MLLT6: variants seen among roughly 807,000 people sequenced by gnomAD.
MLLT6 encodes the protein protein AF-17.
In MLLT6, 22 loss-of-function variants were observed where a neutral mutation model predicts 103.0. The observed-to-expected ratio is 0.21, with a 90% CI of 0.15 to 0.31. The LOEUF (loss-of-function observed/expected upper bound fraction) is 0.31. MLLT6 is among the 10% of genes least tolerant of loss of function. The pLI is 1.00. For missense variants in MLLT6, 1,199 were observed against 1,441.7 expected (o/e 0.83, Z 2.73); for synonymous variants, 606 against 623.5 (o/e 0.97, Z 0.42).
chr17:38,708,381 C>T (rs1176350781), intron 4 of MLLT6: 1 of 154,640 alleles, frequency 6.5e-6, no homozygotes, highest in Non-Finnish European at 1.4e-5. Context: ...AGGAAGGAGA[C>T]ATTTAGGCTG....
Position 38,715,645 on chromosome 17 carries a change from G to A in MLLT6, c.853G>A (p.Glu285Lys), listed in dbSNP as rs765526008. 19 of 1,613,532 alleles carry A rather than the reference G, an allele frequency of 1.2e-5. No individual in the cohort carries two copies. Among genetic ancestry groups the A allele is most frequent in the East Asian group, 6.7e-5 (3 of 44,884 alleles). ...SSSASSSSHH[E>K]ASTQETSESS... ...CTCGGCTTCCTCTTCCTCCCACCAC[G>A]AGGCCAGCACGCAGGAGACCTCTGA... Residue 285 changes from glutamate to lysine, a missense_variant, in exon 9 of 20, where the codon GAG (glutamate) becomes AAG (lysine). Around this residue, in one of 7 missense-constraint regions of MLLT6, gnomAD observed 1,034 missense variants for 1,091.5 expected, o/e 0.95. Transcript: ENST00000621332.
At chr17:38,718,902 T>G (rs558454332) in intron 12 of MLLT6, 2 of 153,582 alleles carry the variant, frequency 1.3e-5, no homozygotes, top group African/African-American at 4.8e-5. Flanking sequence ...ACAAATATGA[T>G]TCCACGTTTA....
rs181396780 is a variant in MLLT6, at chr17:38,729,502, C to G, written c.*3904C>G. The G allele has an allele frequency of 4.3e-6, 1 of 233,494 alleles. No homozygotes were observed. The highest frequency in any genetic ancestry group is 8.5e-6 in the Non-Finnish European group (1 of 118,014). 14.5% of individuals were successfully genotyped at this position (233,494 alleles called of 1,614,324 possible). ...GGTGGTGGGACTGGAGACCTCACCC[C>G]TGCTCCCGTCCCGCCCCCTTTCTAT... is the stretch of plus-strand genomic sequence containing the variant. On this transcript the variant is annotated 3_prime_UTR_variant, in exon 20 of 20. Transcript: ENST00000621332.
chr17:38,724,953 A>G lies in MLLT6; in HGVS notation c.3217A>G (p.Ser1073Gly). 1 of 1,542,774 alleles carries G rather than the reference A, an allele frequency of 6.5e-7. No individual in the cohort carries two copies. The highest frequency in any genetic ancestry group is 8.8e-7 in the Non-Finnish European group (1 of 1,141,030). ...PFLSLSGAEGSGGGPKGGTAD... is the reference protein window; with the variant it reads ...PFLSLSGAEGGGGGPKGGTAD... ...CCTCAGCCTGTCGGGAGCAGAGGGC[A>G]GTGGCGGTGGCCCCAAAGGAGGGGT... The change falls in exon 19 of 20, where the codon AGT (serine) becomes GGT (glycine). Residue 1073 changes from serine to glycine, a missense_variant. Ser to Gly is a moderately conservative substitution (Grantham distance 56, BLOSUM62 0). Around this residue, in one of 7 missense-constraint regions of MLLT6, gnomAD observed 55 missense variants for 93.3 expected, o/e 0.59. Coordinates refer to ENST00000621332, the MANE Select transcript of MLLT6 (RefSeq NM_005937.4). The surrounding 1 kb of genome is among the most constrained non-coding windows in gnomAD (Gnocchi z 5.4).
In MLLT6 at chr17:38,717,554, A is replaced by G. The variant is rs1215110424; in HGVS notation, c.1774A>G (p.Ser592Gly). The change falls in exon 11 of 20, where the codon AGC (serine) becomes GGC (glycine). Residue 592 changes from serine (S) to glycine (G), a missense_variant. Ser to Gly is a moderately conservative substitution (Grantham distance 56). Transcript: ENST00000621332. ...PPGTSALPRL[S>G]RSPFTSTLPS... ...AGGGACCTCGGCCCTGCCCCGCCTC[A>G]GCCGCTCCCCGTTCACCAGCACCCT... The G allele has an allele frequency of 6.8e-6, 11 of 1,613,690 alleles. No homozygotes were observed. Among genetic ancestry groups the G allele is most frequent in the East Asian group, 2.2e-5 (1 of 44,848 alleles).
chr17:38,705,518 G>C lies in MLLT6; in HGVS notation c.-115G>C, dbSNP rs1414029073. 7 of 476,520 alleles carry C rather than the reference G, an allele frequency of 1.5e-5. No homozygotes were observed. Among genetic ancestry groups the C allele is most frequent in the Non-Finnish European group, 2.6e-5 (7 of 264,338 alleles). 29.5% of individuals were successfully genotyped at this position (476,520 alleles called of 1,614,324 possible). A position where few individuals can be genotyped will look rare whatever the true frequency, so the allele number is the denominator to read the frequency against. ...AAAGAAAAGAAGCGGCGGCGGCGGA[G>C]GGAGAGGAGGAGGGGGCGAGGAGGC... On this transcript the variant is annotated 5_prime_UTR_variant, in exon 1 of 20. Transcript: ENST00000621332.
chr17:38,722,907 G>A (rs1342930951), intron 18 of MLLT6, 139 bp downstream of exon 18: 6 of 682,344 alleles, frequency 8.8e-6, no homozygotes, highest in Non-Finnish European at 1.3e-5. Context: ...TGGGACTGGG[G>A]CTGGGCCCTG....
Position 38,716,126 on chromosome 17 carries a change from ATCGCTACAG to A in MLLT6, c.1037-238_1037-230del. 1.7e-6 allele frequency: 1 copy of A among 597,916 alleles called. No homozygotes were observed. The allele number at this position is 597,916 out of a possible 1,614,324, so 37.0% of individuals were successfully genotyped here. A position where few individuals can be genotyped will look rare whatever the true frequency, so the allele number is the denominator to read the frequency against. On this transcript the variant is annotated intron_variant, in intron 9 of 19. Coordinates refer to ENST00000621332, the MANE Select transcript of MLLT6 (RefSeq NM_005937.4). The surrounding 1 kb of genome is among the most constrained non-coding windows in gnomAD (Gnocchi z 5.6). ...ACCCCCATTAACATTTTCTCCTATA[ATCGCTACAG>A]TCATCTGGTGAGGCCAGTAGGGTGC...
intron 7 of MLLT6, among the ~76,000 whole-genome samples, chr17:38,712,486 CGG>C (rs1221931967): frequency 6.6e-6 from 1 of 152,132 alleles, no homozygotes; most frequent in Non-Finnish European, 1.5e-5. Context: ...TTTTAGCAGG[CGG>C]GGCCGGGGGA....
In MLLT6 at chr17:38,725,742, C is replaced by T; in HGVS notation, c.*144C>T. On this transcript the variant is annotated 3_prime_UTR_variant, in exon 20 of 20. Transcript: ENST00000621332. ...GCTGAGGTCCAGGGAGTGTGGAGAG[C>T]TCCTGGTGTCGAGGACTGAGACTGA... 1 of 676,990 alleles carries T rather than the reference C, an allele frequency of 1.5e-6. No individual in the cohort carries two copies. The highest frequency in any genetic ancestry group is 2.4e-6 in the Non-Finnish European group (1 of 411,634). The allele number at this position is 676,990 out of a possible 1,614,324, so 41.9% of individuals were successfully genotyped here.
chr17:38,719,648 G>A (rs1034605319), intron 13 of MLLT6, 65 bp downstream of exon 13: 3 of 1,568,124 alleles, frequency 1.9e-6, no homozygotes, highest in Non-Finnish European at 8.7e-7. Flanking sequence ...GAGGAGGGAC[G>A]GAGAGACCGG....
Position 38,728,135 on chromosome 17 carries a change from C to T in MLLT6, c.*2537C>T, listed in dbSNP as rs1800755059. On this transcript the variant is annotated 3_prime_UTR_variant, in exon 20 of 20. Transcript: ENST00000621332. Reference sequence around the variant, plus strand: ...GTGGCGGTTAGGTTAGATTTGAAGACGGGGCCCAGGCTGGGTATGAACGGG... The same window carrying T: ...GTGGCGGTTAGGTTAGATTTGAAGATGGGGCCCAGGCTGGGTATGAACGGG... 4 of 233,206 alleles carry T rather than the reference C, an allele frequency of 1.7e-5. No individual in the cohort carries two copies. Among genetic ancestry groups the T allele is most frequent in the South Asian group, 3.6e-4 (2 of 5,534 alleles). The allele number at this position is 233,206 out of a possible 1,614,324, so 14.4% of individuals were successfully genotyped here.
chr17:38,716,455 C>T lies in MLLT6; in HGVS notation c.1125C>T (p.Pro375=), dbSNP rs371737246. ...ACAAGTACTCCAAGCCCACAGCCCC[C>T]GCCCCTTCAGCCCCTCCTTCTCCCT... ...EEDKYSKPTA[P]APSAPPSPSA... The change falls in exon 10 of 20, where the codon CCC becomes CCT. Residue 375 remains proline, a synonymous_variant. Transcript: ENST00000621332. The surrounding 1 kb of genome is among the most constrained non-coding windows in gnomAD (Gnocchi z 5.6). The T allele has an allele frequency of 1.1e-5, 17 of 1,613,978 alleles. No individual in the cohort carries two copies. The African/African-American group carries it at 1.1e-4, about 10-fold the overall frequency.
chr17:38,707,627 G>C, intron 3 of MLLT6, 87 bp downstream of exon 3: 1 of 1,430,874 alleles, frequency 7.0e-7, no homozygotes. Context: ...GGTGGAGGCC[G>C]GGTTTCCTTT....
intron 3 of MLLT6, 50 bp from the exon 4 acceptor site, chr17:38,707,713 G>C: frequency 1.6e-6 from 2 of 1,281,554 alleles, no homozygotes; most frequent in Non-Finnish European, 2.3e-6. Flanking sequence ...ATAAGGGGTG[G>C]AGTCTCCGGC....
chr17:38,715,209 C>T (rs1404478762), intron 8 of MLLT6: 1 of 169,442 alleles, frequency 5.9e-6, no homozygotes, highest in African/African-American at 2.4e-5. Context: ...GCCCATTCTC[C>T]TGTGGGTCCT....
At chr17:38,711,171 C>G (rs1905129631) in intron 6 of MLLT6, among the ~76,000 whole-genome samples, 1 of 152,100 alleles carries the variant, frequency 6.6e-6, no homozygotes, top group Non-Finnish European at 1.5e-5. Context: ...GAGGGAGCAG[C>G]TATAACCCCG....
intron 1 of MLLT6, chr17:38,706,373 G>C (rs1904926654): frequency 6.6e-6 from 1 of 152,198 alleles, no homozygotes. Flanking sequence ...GGCACAGGCA[G>C]CCGGGCCCCC....
In MLLT6 at chr17:38,724,984, A is replaced by G; in HGVS notation, c.3240+8A>G. On this transcript the variant is annotated splice_region_variant and intron_variant, in intron 19 of 19. Coordinates refer to ENST00000621332, the MANE Select transcript of MLLT6 (RefSeq NM_005937.4). The surrounding 1 kb of genome is among the most constrained non-coding windows in gnomAD (Gnocchi z 5.4). ...GGTGGCCCCAAAGGAGGGGTGAGTAAGGGGCCCGGGGCCTTCCTGCCTCCC... is the reference window on the plus strand; with the variant it reads ...GGTGGCCCCAAAGGAGGGGTGAGTAGGGGGCCCGGGGCCTTCCTGCCTCCC... 6 of 1,514,340 alleles carry G rather than the reference A, an allele frequency of 4.0e-6. No homozygotes were observed. Among genetic ancestry groups the G allele is most frequent in the Non-Finnish European group, 5.3e-6 (6 of 1,122,314 alleles). 93.8% of individuals were successfully genotyped at this position (1,514,340 alleles called of 1,614,324 possible). A position where few individuals can be genotyped will look rare whatever the true frequency, so the allele number is the denominator to read the frequency against.
Sources: allele counts gnomAD v4.1 joint callset (sites outside exome capture counted in the v4.1 genomes callset), GRCh38; gene constraint gnomAD v4.1.1; regional missense constraint gnomAD v4.1.1; non-coding constraint Gnocchi (gnomAD v3.1); transcripts MANE v1.5; gene names NCBI Gene and HGNC (gene_info 2026-07-23, HGNC 2026-07-21).